ZFHX3: variants seen among roughly 807,000 people sequenced by gnomAD.
The protein encoded by ZFHX3 is zinc finger homeobox 3.
In ZFHX3, 42 loss-of-function variants were observed where a neutral mutation model predicts 279.1. That is an observed-to-expected ratio of 0.15 (90% confidence interval 0.12 to 0.19). The LOEUF is 0.19. Among genes scored for constraint, ZFHX3 ranks in the 10% least tolerant of loss-of-function variants. The probability of loss-of-function intolerance (pLI) is 1.00; values close to 1 mark genes in which losing one functional copy is unlikely to be tolerated. For missense variants in ZFHX3, 4,981 were observed against 4,754.0 expected (o/e 1.05, Z -1.40); for synonymous variants, 2,293 against 1,957.8 (o/e 1.17, Z -4.52).
intron 2 of ZFHX3, among the ~76,000 whole-genome samples, chr16:73,559,103 A>G (rs904649384): frequency 6.6e-6 from 1 of 151,796 alleles, no homozygotes; most frequent in Non-Finnish European, 1.5e-5. Context: ...GCTGGAGTGC[A>G]GTGGTGCTAT....
chr16:73,784,639 C>T (rs962179975), intron 1 of ZFHX3, among the ~76,000 whole-genome samples: 3 of 151,528 alleles, frequency 2.0e-5, no homozygotes, highest in East Asian at 3.9e-4. Context: ...CCCAGCTACT[C>T]GGGAGGCTGA....
At chr16:73,148,392 T>C (rs1966877730) in intron 5 of ZFHX3, among the ~76,000 whole-genome samples, 1 of 152,180 alleles carries the variant, frequency 6.6e-6, no homozygotes, top group Non-Finnish European at 1.5e-5. Context: ...AAATAATCTA[T>C]GGTTGGTAGA....
chr16:73,165,358 T>C (rs528412355), intron 5 of ZFHX3, among the ~76,000 whole-genome samples: 11 of 152,318 alleles, frequency 7.2e-5, no homozygotes, highest in Admixed American at 5.2e-4. Flanking sequence ...TGTACGATTA[T>C]GCTCAAGCCT....
chr16:73,871,686 A>T (rs2029862541), intron 1 of ZFHX3, among the ~76,000 whole-genome samples: 2 of 152,170 alleles, frequency 1.3e-5, no homozygotes, highest in Non-Finnish European at 2.9e-5. Context: ...TATCTTTTGC[A>T]AAGGCCAGCA....
chr16:73,624,593 A>G (rs1316898839), intron 2 of ZFHX3, among the ~76,000 whole-genome samples: 1 of 151,932 alleles, frequency 6.6e-6, no homozygotes, highest in Non-Finnish European at 1.5e-5. Flanking sequence ...TCTATAGAAT[A>G]TTGACAGAGT....
intron 2 of ZFHX3, among the ~76,000 whole-genome samples, chr16:73,555,553 G>A (rs992401945): frequency 6.6e-6 from 1 of 151,956 alleles, no homozygotes; most frequent in African/African-American, 2.4e-5. Flanking sequence ...GCAGTTGGCC[G>A]GGTGCCGGGG....
chr16:73,847,692 G>C (rs1021307543), intron 1 of ZFHX3, among the ~76,000 whole-genome samples: 26 of 152,074 alleles, frequency 1.7e-4, no homozygotes, highest in African/African-American at 5.5e-4. Flanking sequence ...CAATGTATAG[G>C]AAGTGCCCAG....
At chr16:73,249,580 C>T (rs960903630) in intron 5 of ZFHX3, among the ~76,000 whole-genome samples, 5 of 152,104 alleles carry the variant, frequency 3.3e-5, no homozygotes, top group African/African-American at 1.2e-4. Context: ...CAGTTATCTC[C>T]CACCAGGTCC....
chr16:73,303,168 A>G (rs1006011617), intron 4 of ZFHX3, among the ~76,000 whole-genome samples: 2 of 152,066 alleles, frequency 1.3e-5, no homozygotes, highest in African/African-American at 4.8e-5. Flanking sequence ...AGCTAGGACT[A>G]CAGGCACACA....
At chr16:73,058,930 C>T (rs1252089721) in exon 1 of ZFHX3, 3 of 160,170 alleles carry the variant, frequency 1.9e-5, no homozygotes, top group Admixed American at 6.9e-5. Context: ...GCGGCGGCGG[C>T]GGCTGCGGCC....
intron 3 of ZFHX3, among the ~76,000 whole-genome samples, chr16:72,930,113 G>T (rs551109876): frequency 6.6e-6 from 1 of 152,332 alleles, no homozygotes; most frequent in East Asian, 1.9e-4. Context: ...AGCTACTTGG[G>T]AGGCTGAGGC....
At chr16:73,278,277 C>T (rs1277136683) in intron 4 of ZFHX3, among the ~76,000 whole-genome samples, 4 of 152,134 alleles carry the variant, frequency 2.6e-5, no homozygotes. Flanking sequence ...TCTTGTTAAT[C>T]AATTTTATCA....
intron 3 of ZFHX3, among the ~76,000 whole-genome samples, chr16:73,379,043 G>A (rs895535260): frequency 3.3e-5 from 5 of 152,180 alleles, no homozygotes; most frequent in African/African-American, 1.2e-4. Flanking sequence ...TCAGTGTGTG[G>A]ATGATTCTGA....
chr16:73,685,690 T>C (rs1019080902), intron 1 of ZFHX3, among the ~76,000 whole-genome samples: 1 of 152,220 alleles, frequency 6.6e-6, no homozygotes, highest in African/African-American at 2.4e-5. Flanking sequence ...TTGTGGGTCT[T>C]TATAATGAGC....
At chr16:73,740,160 T>G (rs184360059) in intron 1 of ZFHX3, among the ~76,000 whole-genome samples, 1 of 152,218 alleles carries the variant, frequency 6.6e-6, no homozygotes, top group East Asian at 1.9e-4. Flanking sequence ...GCAAATAACT[T>G]TGGTAATGTA....
At chr16:73,596,516 G>A (rs2052052307) in intron 2 of ZFHX3, among the ~76,000 whole-genome samples, 1 of 152,062 alleles carries the variant, frequency 6.6e-6, no homozygotes, top group African/African-American at 2.4e-5. Flanking sequence ...TCCTGCAAGA[G>A]GATTTCTTTC....
chr16:73,206,778 G>A lies in ZFHX3; in HGVS notation c.-1104+50269C>T, dbSNP rs1461442002. Among the ~76,000 whole-genome samples, 3 of 152,086 alleles carry A rather than the reference G, an allele frequency of 2.0e-5. No individual in the cohort carries two copies. In the East Asian group the frequency reaches 5.8e-4, roughly 29 times the overall value. On this transcript the variant is annotated intron_variant, in intron 5 of 17. Transcript: ENST00000641206. Reference sequence around the variant, plus strand: ...CATGCCTGTAATCCCAGCACTTTGAGAGGCCGAGGCGGGTGGATCACTTGG... The same window carrying A: ...CATGCCTGTAATCCCAGCACTTTGAAAGGCCGAGGCGGGTGGATCACTTGG...
intron 1 of ZFHX3, among the ~76,000 whole-genome samples, chr16:73,702,638 G>A (rs1022939754): frequency 6.6e-6 from 1 of 152,188 alleles, no homozygotes; most frequent in Admixed American, 6.5e-5. Context: ...GGGATTGGTG[G>A]AGGATTCCTC....
intron 2 of ZFHX3, among the ~76,000 whole-genome samples, chr16:73,631,951 A>T (rs2052476375): frequency 7.1e-6 from 1 of 141,784 alleles, no homozygotes; most frequent in Admixed American, 7.3e-5. Context: ...ACACACACAC[A>T]CACACACACA....
Sources: allele counts gnomAD v4.1 joint callset (sites outside exome capture counted in the v4.1 genomes callset), GRCh38; gene constraint gnomAD v4.1.1; transcripts MANE v1.5; gene names NCBI Gene and HGNC (gene_info 2026-07-23, HGNC 2026-07-21).